The following TOPAZ1 variants were observed in gnomAD, a reference collection of about 807,000 sequenced individuals.
TOPAZ1 encodes testis and ovary specific TOPAZ 1.
Under a neutral mutation model 172.2 loss-of-function variants are expected in TOPAZ1, and 66 were observed. That is an observed-to-expected ratio of 0.38 (90% confidence interval 0.31 to 0.47). TOPAZ1 has a LOEUF of 0.47. Ranked by LOEUF, TOPAZ1 falls within the 20% of genes least tolerant of loss-of-function variation. The pLI is 0.99. For synonymous variants in TOPAZ1, 681 were observed against 683.9 expected, an observed-to-expected ratio of 1.00 and a Z score of 0.07; for missense variants, 1,822 against 1,972.4, an observed-to-expected ratio of 0.92 and a Z score of 1.44.
At chr3:44,316,877 G>T (rs997554277) in intron 16 of TOPAZ1, among the ~76,000 whole-genome samples, 28 of 151,982 alleles carry the variant, frequency 1.8e-4, no homozygotes, top group Admixed American at 1.8e-3. Context: ...AATCTGTTGG[G>T]TCTGTTTCTG....
intron 7 of TOPAZ1, among the ~76,000 whole-genome samples, chr3:44,269,676 A>G (rs574488347): frequency 6.6e-6 from 1 of 151,552 alleles, no homozygotes; most frequent in Non-Finnish European, 1.5e-5. Flanking sequence ...GCTGGAGTAC[A>G]ATGGCATGAT....
downstream of TOPAZ1, among the ~76,000 whole-genome samples, chr3:44,336,491 AC>A (rs1278951543): frequency 6.6e-6 from 1 of 152,206 alleles, no homozygotes; most frequent in East Asian, 1.9e-4. Context: ...GGGATCATCC[AC>A]AGAGATGGAA....
intron 5 of TOPAZ1, 101 bp downstream of exon 5, chr3:44,262,584 A>C (rs914484678): frequency 1.6e-5 from 9 of 575,484 alleles, no homozygotes; most frequent in Admixed American, 3.4e-5. Flanking sequence ...TGCTTGGGCT[A>C]TATGCCATAA....
intron 8 of TOPAZ1, among the ~76,000 whole-genome samples, chr3:44,280,201 G>T (rs557471072): frequency 2.0e-5 from 3 of 151,128 alleles, no homozygotes; most frequent in Non-Finnish European, 2.9e-5. Context: ...CTCCTGGTCT[G>T]TAAGGTTTCT....
chr3:44,320,676 T>C (rs1292599481), intron 16 of TOPAZ1, among the ~76,000 whole-genome samples: 1 of 152,210 alleles, frequency 6.6e-6, no homozygotes. Context: ...TGTGAAATTG[T>C]TAAACTTGTC....
intron 16 of TOPAZ1, among the ~76,000 whole-genome samples, chr3:44,312,782 C>CTATA (rs1289344292): frequency 1.3e-5 from 2 of 152,108 alleles, no homozygotes; most frequent in African/African-American, 4.8e-5. Context: ...TCTTAGTTCT[C>CTATA]TATAATCAAA....
chr3:44,325,913 G>A (rs963845045), intron 18 of TOPAZ1, among the ~76,000 whole-genome samples: 6 of 152,104 alleles, frequency 3.9e-5, no homozygotes, highest in Admixed American at 3.3e-4. Context: ...AAAATGCTGC[G>A]ATTACATGCG....
intron 8 of TOPAZ1, among the ~76,000 whole-genome samples, chr3:44,271,541 T>A (rs1263488609): frequency 6.6e-6 from 1 of 152,176 alleles, no homozygotes; most frequent in Non-Finnish European, 1.5e-5. Flanking sequence ...TATGTGTGTA[T>A]GTATATCTAT....
chr3:44,253,473 G>A (rs916233569), intron 2 of TOPAZ1, among the ~76,000 whole-genome samples: 74 of 152,180 alleles, frequency 4.9e-4, no homozygotes, highest in African/African-American at 1.8e-3. Context: ...AGATGGGGGT[G>A]AGGCAGAGGG....
chr3:44,286,742 A>G (rs1044927291), intron 9 of TOPAZ1, among the ~76,000 whole-genome samples: 2 of 152,184 alleles, frequency 1.3e-5, no homozygotes, highest in African/African-American at 4.8e-5. Context: ...AAAAATGATC[A>G]ATGAAAGAAT....
chr3:44,287,995 A>T (rs1002642915), intron 11 of TOPAZ1, among the ~76,000 whole-genome samples, 156 bp downstream of exon 11: 1 of 152,108 alleles, frequency 6.6e-6, no homozygotes, highest in African/African-American at 2.4e-5. Context: ...AATAGGGTTT[A>T]TAAAAAAAGA....
chr3:44,320,867 A>C (rs1700500134), intron 16 of TOPAZ1, among the ~76,000 whole-genome samples, 160 bp from the exon 17 acceptor site: 1 of 152,158 alleles, frequency 6.6e-6, no homozygotes, highest in South Asian at 2.1e-4. Flanking sequence ...TCACTATATA[A>C]GTTATTTCTA....
intron 4 of TOPAZ1, among the ~76,000 whole-genome samples, chr3:44,256,571 A>G (rs950267563): frequency 1.3e-5 from 2 of 152,156 alleles, no homozygotes; most frequent in African/African-American, 4.8e-5. Flanking sequence ...AAAATATTAC[A>G]TATTTTTCTG....
intron 12 of TOPAZ1, among the ~76,000 whole-genome samples, chr3:44,301,788 A>G (rs1266510722): frequency 6.6e-6 from 1 of 151,656 alleles, no homozygotes; most frequent in Non-Finnish European, 1.5e-5. Flanking sequence ...ATATATTGCA[A>G]TTTTTCTTCC....
At chr3:44,289,183 T>C (rs995962968) in intron 11 of TOPAZ1, among the ~76,000 whole-genome samples, 1 of 152,244 alleles carries the variant, frequency 6.6e-6, no homozygotes, top group African/African-American at 2.4e-5. Context: ...CAGGTTTGTT[T>C]ATAGTTGGCC....
chr3:44,299,486 A>G (rs1043142463), intron 12 of TOPAZ1, among the ~76,000 whole-genome samples: 58 of 151,966 alleles, frequency 3.8e-4, no homozygotes, highest in Non-Finnish European at 6.2e-4. Context: ...AAATAGGAAC[A>G]CTTTTACACT....
intron 12 of TOPAZ1, among the ~76,000 whole-genome samples, chr3:44,292,204 A>G (rs936889705): frequency 1.3e-5 from 2 of 152,192 alleles, no homozygotes; most frequent in African/African-American, 4.8e-5. Context: ...TTTTAATTTA[A>G]TTACTGATAA....
chr3:44,261,853 A>G (rs1444419806), intron 4 of TOPAZ1, among the ~76,000 whole-genome samples: 1 of 152,008 alleles, frequency 6.6e-6, no homozygotes, highest in African/African-American at 2.4e-5. Context: ...TGTAATTCTC[A>G]TTATAGAGAT....
rs1274095704 is a variant in TOPAZ1, at chr3:44,242,416, G to A, written c.346+17G>A. Reference sequence around the variant, plus strand: ...AAAGACACAGTAAGAAAGCATCCACGATCACTTACCTTTAGCCCTTGTACC... The same window carrying A: ...AAAGACACAGTAAGAAAGCATCCACAATCACTTACCTTTAGCCCTTGTACC... On this transcript the variant is annotated intron_variant, in intron 1 of 19. Coordinates refer to ENST00000309765, the MANE Select transcript of TOPAZ1 (RefSeq NM_001145030.2). 6.4e-7 allele frequency: 1 copy of A among 1,551,704 alleles called. No individual in the cohort carries two copies. Among genetic ancestry groups the A allele is most frequent in the Non-Finnish European group, 8.7e-7 (1 of 1,146,678 alleles).
Sources: allele counts gnomAD v4.1 joint callset (sites outside exome capture counted in the v4.1 genomes callset), GRCh38; gene constraint gnomAD v4.1.1; transcripts MANE v1.5; gene names NCBI Gene and HGNC (gene_info 2026-07-23, HGNC 2026-07-21).